Variants in OSBPL9 observed in about 807,000 individuals in gnomAD.
The protein encoded by OSBPL9 is oxysterol binding protein like 9.
OSBPL9 carries 40 observed loss-of-function variants against 106.6 expected under a neutral mutation model. That is an observed-to-expected ratio of 0.38 (90% CI 0.29 to 0.49). The LOEUF (loss-of-function observed/expected upper bound fraction) is 0.49. Among genes scored for constraint, OSBPL9 ranks in the 20% least tolerant of loss-of-function variants. The pLI is 0.97. For synonymous variants in OSBPL9, 269 were observed against 295.4 expected (o/e 0.91, Z 0.92); for missense variants, 609 against 887.2 (o/e 0.69, Z 3.98).
intron 3 of OSBPL9, among the ~76,000 whole-genome samples, chr1:51,696,305 A>G (rs943882785): frequency 6.6e-6 from 1 of 152,158 alleles, no homozygotes; most frequent in African/African-American, 2.4e-5. Flanking sequence ...AGAATGTTTG[A>G]TGTTTGCTTG....
intron 11 of OSBPL9, among the ~76,000 whole-genome samples, chr1:51,763,558 A>C (rs1671969381): frequency 6.6e-6 from 1 of 152,172 alleles, no homozygotes; most frequent in Non-Finnish European, 1.5e-5. Flanking sequence ...TTTCCCGGGT[A>C]GGATTTTTCC....
chr1:51,712,736 T>C (rs1453758732), intron 3 of OSBPL9, among the ~76,000 whole-genome samples: 1 of 152,376 alleles, frequency 6.6e-6, no homozygotes, highest in East Asian at 1.9e-4. Context: ...TTCTCATTTA[T>C]GTGTGGTTTT....
chr1:51,737,530 G>A (rs1004452402), intron 4 of OSBPL9, among the ~76,000 whole-genome samples: 2 of 146,436 alleles, frequency 1.4e-5, no homozygotes, highest in Non-Finnish European at 3.0e-5. Context: ...TTTGTTTCAT[G>A]TGTTATATTT....
chr1:51,688,255 G>T (rs973428465), intron 3 of OSBPL9, among the ~76,000 whole-genome samples: 1 of 152,162 alleles, frequency 6.6e-6, no homozygotes, highest in African/African-American at 2.4e-5. Context: ...TATCTGAAAA[G>T]AAATACCTTT....
In OSBPL9 at chr1:51,729,809, G is replaced by A. The variant is rs933657932; in HGVS notation, c.319-15727G>A. The A allele has an allele frequency of 4.5e-5, 55 of 1,230,668 alleles. No individual in the cohort carries two copies. Among genetic ancestry groups the A allele is most frequent in the Admixed American group, 2.2e-4 (5 of 23,218 alleles). The allele number at this position is 1,230,668 out of a possible 1,614,324, so 76.2% of individuals were successfully genotyped here. ...CCGGGGAGGGGACGGGAAAGGGGTG[G>A]GGGGTGAAGGGGGTGAAGGGGGTGT... On this transcript the variant is annotated intron_variant, in intron 4 of 23. Coordinates refer to ENST00000428468, the MANE Select transcript of OSBPL9 (RefSeq NM_024586.6). The surrounding 1 kb of genome is among the most constrained non-coding windows in gnomAD (Gnocchi z 5.1).
chr1:51,731,272 G>A (rs1011650610), intron 4 of OSBPL9, among the ~76,000 whole-genome samples: 1 of 151,470 alleles, frequency 6.6e-6, no homozygotes, highest in Non-Finnish European at 1.5e-5. Flanking sequence ...CCTTCCCCCC[G>A]CCCCTGCCCC....
chr1:51,783,059 T>TAA (rs1376695951), intron 17 of OSBPL9, among the ~76,000 whole-genome samples: 1 of 152,234 alleles, frequency 6.6e-6, no homozygotes, highest in Non-Finnish European at 1.5e-5. Flanking sequence ...TATATTCATA[T>TAA]AACCTATGCA....
chr1:51,630,700 A>T (rs1040129876), intron 1 of OSBPL9, among the ~76,000 whole-genome samples: 17 of 152,148 alleles, frequency 1.1e-4, no homozygotes, highest in African/African-American at 3.9e-4. Context: ...TACAAAAAAA[A>T]TTTCTTTCTT....
intron 10 of OSBPL9, 39 bp from the exon 11 acceptor site, chr1:51,761,828 C>A: frequency 6.9e-7 from 1 of 1,442,084 alleles, no homozygotes; most frequent in Non-Finnish European, 9.8e-7. Flanking sequence ...GTGTGTTTGG[C>A]TGTTTCTGTA....
chr1:51,777,311 G>A (rs1158217096), intron 15 of OSBPL9, among the ~76,000 whole-genome samples: 1 of 152,110 alleles, frequency 6.6e-6, no homozygotes, highest in African/African-American at 2.4e-5. Context: ...TTACAAGTTG[G>A]AGAAAGGAAA....
At chr1:51,642,760 C>T (rs1645885170) in intron 1 of OSBPL9, among the ~76,000 whole-genome samples, 1 of 152,070 alleles carries the variant, frequency 6.6e-6, no homozygotes, top group Admixed American at 6.6e-5. Context: ...GGAAGCTTGG[C>T]CTAGGGAACT....
chr1:51,541,159 T>A, the OSBPL9 span, among the ~76,000 whole-genome samples: 2 of 152,114 alleles, frequency 1.3e-5, no homozygotes, highest in African/African-American at 2.4e-5. Context: ...TTTATTTGTT[T>A]GTTTGCTTGT....
intron 15 of OSBPL9, among the ~76,000 whole-genome samples, chr1:51,779,802 G>A (rs1369739922): frequency 1.3e-5 from 2 of 152,166 alleles, no homozygotes; most frequent in Non-Finnish European, 2.9e-5. Context: ...GGTTGGCCGG[G>A]CGCGGTGGCT....
At chr1:51,545,413 A>G in the OSBPL9 span, among the ~76,000 whole-genome samples, 2 of 152,158 alleles carry the variant, frequency 1.3e-5, no homozygotes, top group East Asian at 3.8e-4. Context: ...TAAAAATAAA[A>G]AATAAAAAAA....
At chr1:51,594,055 T>C (rs1645288452) in intron 1 of OSBPL9, among the ~76,000 whole-genome samples, 1 of 152,036 alleles carries the variant, frequency 6.6e-6, no homozygotes, top group Non-Finnish European at 1.5e-5. Context: ...GGGAAGAGAC[T>C]GGACAAGATG....
rs894549242 is a variant in OSBPL9, at chr1:51,788,949, C to G, written c.*1160C>G. The stretch of plus-strand genomic sequence containing the variant: ...AATATACTGGTTACGTAAGGCCTTT[C>G]AAGAAGTAGATTCTCAGTCTGAGAG... On this transcript the variant is annotated 3_prime_UTR_variant, in exon 24 of 24. Transcript: ENST00000428468. Among the ~76,000 whole-genome samples the G allele has an allele frequency of 3.9e-5, 6 of 152,090 alleles. No individual in the cohort carries two copies. The highest frequency in any genetic ancestry group is 1.4e-4 in the African/African-American group (6 of 41,386).
At position 51,602,018 on chromosome 1, in the gene OSBPL9, CTTTTTTTT is replaced by C. The variant is rs758760414; in HGVS notation, c.-353+3838_-353+3845del. On this transcript the variant is annotated intron_variant, in intron 2 of 25. Coordinates refer to the OSBPL9 transcript ENST00000371714. Reference sequence around the variant, plus strand: ...AGTCAATTGTTCCATTCTTGGGGTTCTTTTTTTTTTTTTTTTTTTTGAGACGGAGTCTC... The same window carrying C: ...AGTCAATTGTTCCATTCTTGGGGTTCTTTTTTTTTTTTGAGACGGAGTCTC... 1.3e-4 allele frequency among the ~76,000 whole-genome samples: 10 copies of C among 76,398 alleles called. 1 individual carries two copies. The East Asian group carries it at 1.8e-3, about 14-fold the overall frequency. The allele number at this position is 76,398 out of a possible 152,430, so 50.1% of individuals were successfully genotyped here.
intron 12 of OSBPL9, 111 bp downstream of exon 12, chr1:51,766,092 G>T: frequency 1.8e-6 from 2 of 1,136,376 alleles, no homozygotes; most frequent in Middle Eastern, 2.2e-4. Flanking sequence ...TTATTATTTG[G>T]GAAAATTAAA....
intron 1 of OSBPL9, among the ~76,000 whole-genome samples, chr1:51,588,733 T>G (rs555522527): frequency 4.6e-5 from 7 of 152,252 alleles, no homozygotes; most frequent in Non-Finnish European, 8.8e-5. Context: ...TGAACTTGGT[T>G]TCCTGGGTCT....
Sources: gnomAD v4.1 joint callset for allele counts (sites outside exome capture counted in the v4.1 genomes callset) on GRCh38, gnomAD v4.1.1 for gene constraint, Gnocchi (gnomAD v3.1) non-coding constraint, MANE v1.5 for transcripts, NCBI Gene and HGNC (gene_info 2026-07-23, HGNC 2026-07-21) for gene names.